TMIGD3: variants seen among roughly 807,000 people sequenced by gnomAD.
TMIGD3 encodes the protein transmembrane and immunoglobulin domain containing 3, also known as AD026 protein (AD026).
In TMIGD3, 21 loss-of-function variants were observed where a neutral mutation model predicts 28.1. That is an observed-to-expected ratio of 0.75 (90% confidence interval 0.53 to 1.08). The LOEUF (loss-of-function observed/expected upper bound fraction) is 1.08. Ranked by LOEUF, TMIGD3 falls within the 50% of genes least tolerant of loss-of-function variation. TMIGD3 has a pLI of 0.00. For missense variants in TMIGD3, 416 were observed against 435.6 expected, an observed-to-expected ratio of 0.96 and a Z score of 0.40; for synonymous variants, 151 against 162.1, an observed-to-expected ratio of 0.93 and a Z score of 0.52.
rs1432532697 is a variant in TMIGD3 at position 111,488,657 on chromosome 1, A to C, written c.805+20T>G. On this transcript the variant is annotated intron_variant, in intron 3 of 5. Coordinates refer to ENST00000369716, the MANE Select transcript of TMIGD3 (RefSeq NM_020683.7). ...ATGGCTGTGGGTTACATCCAGCCAG[A>C]CCCCAGGCAGGCTCCTTACCTTTCC... 2.5e-6 allele frequency: 4 copies of C among 1,600,072 alleles called. No individual in the cohort carries two copies. Among genetic ancestry groups the C allele is most frequent in the Non-Finnish European group, 3.4e-6 (4 of 1,169,412 alleles).
intron 4 of TMIGD3, 54 bp downstream of exon 4, chr1:111,486,532 C>G: frequency 7.2e-7 from 1 of 1,386,960 alleles, no homozygotes; most frequent in Non-Finnish European, 1.0e-6. Flanking sequence ...CACCCCAGCC[C>G]CTACCTCCAC....
At chr1:111,559,725 G>A (rs1444055452) in intron 1 of TMIGD3, among the ~76,000 whole-genome samples, 1 of 152,120 alleles carries the variant, frequency 6.6e-6, no homozygotes, top group African/African-American at 2.4e-5. Context: ...TGGTCTTAGG[G>A]AAATAAAATG....
intron 1 of TMIGD3, among the ~76,000 whole-genome samples, chr1:111,530,570 C>G (rs1308262579): frequency 6.6e-6 from 1 of 152,126 alleles, no homozygotes; most frequent in Non-Finnish European, 1.5e-5. Flanking sequence ...CTGAAATTGT[C>G]ATTGTTGAAA....
chr1:111,504,803 T>C (rs1485017214), upstream of TMIGD3: 3 of 933,000 alleles, frequency 3.2e-6, no homozygotes, highest in Admixed American at 6.2e-5. Context: ...GCATCATTCA[T>C]TGATTCCACT....
chr1:111,518,311 C>A (rs1229296948), intron 1 of TMIGD3, among the ~76,000 whole-genome samples: 1 of 152,248 alleles, frequency 6.6e-6, no homozygotes, highest in Non-Finnish European at 1.5e-5. Context: ...AAGCCAGACA[C>A]TTTGCATACA....
chr1:111,510,807 A>G (rs543571669), intron 1 of TMIGD3, among the ~76,000 whole-genome samples: 1 of 152,132 alleles, frequency 6.6e-6, no homozygotes, highest in African/African-American at 2.4e-5. Context: ...TCATGCAGGG[A>G]TACCTGTCAC....
chr1:111,504,873 C>T (rs1244004072), upstream of TMIGD3: 6 of 985,148 alleles, frequency 6.1e-6, no homozygotes, highest in Non-Finnish European at 7.2e-6. Context: ...ATACTTGTCC[C>T]CGCCAGACTT....
intron 2 of TMIGD3, chr1:111,489,744 T>C (rs1654568009): frequency 9.6e-7 from 1 of 1,038,842 alleles, no homozygotes; most frequent in Middle Eastern, 2.7e-4. Context: ...AGGCTTCTGC[T>C]GGCTGCACAG....
At chr1:111,554,726 G>A (rs1454317078) in intron 1 of TMIGD3, among the ~76,000 whole-genome samples, 2 of 152,252 alleles carry the variant, frequency 1.3e-5, no homozygotes, top group Admixed American at 1.3e-4. Flanking sequence ...TTCAAATAAG[G>A]TTACAGCCTG....
intron 3 of TMIGD3, among the ~76,000 whole-genome samples, chr1:111,488,461 A>G (rs1654491346): frequency 6.6e-6 from 1 of 152,208 alleles, no homozygotes; most frequent in African/African-American, 2.4e-5. Context: ...AAAGTGCCCC[A>G]GGGCGCAGAC....
At chr1:111,487,630 T>C (rs1308682649) in intron 3 of TMIGD3, among the ~76,000 whole-genome samples, 1 of 152,152 alleles carries the variant, frequency 6.6e-6, no homozygotes, top group Non-Finnish European at 1.5e-5. Context: ...AGTGAACATC[T>C]GGAAATCCTA....
chr1:111,547,299 T>C (rs1475989589), intron 1 of TMIGD3, among the ~76,000 whole-genome samples: 2 of 152,124 alleles, frequency 1.3e-5, no homozygotes, highest in Non-Finnish European at 2.9e-5. Flanking sequence ...TTTTAAATCA[T>C]GAAAGGGTAC....
In TMIGD3 at chr1:111,493,225, C is replaced by T. The variant is rs76550402; in HGVS notation, c.351-2463G>A. Among the ~76,000 whole-genome samples the T allele has an allele frequency of 2.3e-3, 349 of 152,230 alleles. 1 individual carries two copies. The highest frequency in any genetic ancestry group is 3.9e-3 in the Non-Finnish European group (266 of 68,000). ...TCCAAACCTCATGCTGAAATTTGATCCCCTATGTTGGAGGTGGGGTCTCGT... is the reference window on the plus strand; with the variant it reads ...TCCAAACCTCATGCTGAAATTTGATTCCCTATGTTGGAGGTGGGGTCTCGT... On this transcript the variant is annotated intron_variant, in intron 1 of 5. Coordinates refer to ENST00000369716, the MANE Select transcript of TMIGD3 (RefSeq NM_020683.7).
intron 3 of TMIGD3, among the ~76,000 whole-genome samples, chr1:111,488,153 G>A (rs1236760399): frequency 6.6e-6 from 1 of 152,020 alleles, no homozygotes; most frequent in African/African-American, 2.4e-5. Context: ...CCAGGCACGT[G>A]GGTCATTTTT....
At chr1:111,552,974 C>A (rs965083077) in intron 1 of TMIGD3, among the ~76,000 whole-genome samples, 3 of 152,200 alleles carry the variant, frequency 2.0e-5, no homozygotes, top group African/African-American at 7.2e-5. Flanking sequence ...ATCTCTAGGA[C>A]TATTACAATG....
intron 1 of TMIGD3, among the ~76,000 whole-genome samples, chr1:111,514,074 A>G (rs185333619): frequency 9.9e-5 from 15 of 151,394 alleles, no homozygotes; most frequent in African/African-American, 3.6e-4. Flanking sequence ...CCAAACATTC[A>G]CTCTTTGCAG....
intron 2 of TMIGD3, chr1:111,489,336 G>A (rs909452084): frequency 1.5e-5 from 5 of 341,800 alleles, no homozygotes; most frequent in Admixed American, 4.4e-5. Context: ...ATAAAAAGGA[G>A]AGATTAAGAC....
chr1:111,556,261 C>G (rs778129984), intron 1 of TMIGD3, among the ~76,000 whole-genome samples: 1 of 152,146 alleles, frequency 6.6e-6, no homozygotes, highest in Non-Finnish European at 1.5e-5. Context: ...CAAAAAAACA[C>G]TCACACAGAT....
chr1:111,490,690 C>A lies in TMIGD3; in HGVS notation c.423G>T (p.Trp141Cys). 6.2e-7 allele frequency: 1 copy of A among 1,614,006 alleles called. No individual in the cohort carries two copies. Among genetic ancestry groups the A allele is most frequent in the Admixed American group, 1.7e-5 (1 of 60,018 alleles). The change falls in exon 2 of 6, where the codon TGG (tryptophan) becomes TGT (cysteine). Residue 141 changes from tryptophan to cysteine, a missense_variant. Coordinates refer to ENST00000369716, the MANE Select transcript of TMIGD3 (RefSeq NM_020683.7). ...GAGCCAAGGAGAGTAGAATGAAGAG[C>A]CACATGACTGGAAGGAAGCAAACTT... Reference protein sequence around the residue: ...QLKVCFLPVMWLFILLSLALI... With the variant: ...QLKVCFLPVMCLFILLSLALI...
Sources: gnomAD v4.1 joint callset for allele counts (sites outside exome capture counted in the v4.1 genomes callset) on GRCh38, gnomAD v4.1.1 for gene constraint, MANE v1.5 for transcripts, NCBI Gene and HGNC (gene_info 2026-07-23, HGNC 2026-07-21) for gene names.